Variants in CHST9 observed in about 807,000 individuals in gnomAD.
CHST9 encodes the protein carbohydrate sulfotransferase 9.
CHST9 carries 41 observed loss-of-function variants against 44.4 expected under a neutral mutation model. The ratio of observed to expected loss-of-function variants is 0.92; its 90% CI spans 0.72 to 1.20. CHST9 has a LOEUF of 1.20. Ranked by LOEUF, CHST9 falls within the 50% of genes most tolerant of loss-of-function variation. The probability of loss-of-function intolerance (pLI) is 0.00; values close to 1 mark genes in which losing one functional copy is unlikely to be tolerated. For missense variants in CHST9, 504 were observed against 516.5 expected, an observed-to-expected ratio of 0.98 and a Z score of 0.23; for synonymous variants, 171 against 178.4, an observed-to-expected ratio of 0.96 and a Z score of 0.33.
intron 2 of CHST9, among the ~76,000 whole-genome samples, 188 bp downstream of exon 2, chr18:27,142,501 C>T (rs1212244559): frequency 2.0e-5 from 3 of 152,078 alleles, no homozygotes; most frequent in East Asian, 1.9e-4. Flanking sequence ...GTTAAGCCAC[C>T]AAACAAATGC....
chr18:27,151,428 T>C (rs1005081434), intron 1 of CHST9, among the ~76,000 whole-genome samples: 24 of 151,978 alleles, frequency 1.6e-4, no homozygotes, highest in Non-Finnish European at 2.4e-4. Flanking sequence ...TTGACAATGG[T>C]GTATGTGGCA....
Position 26,907,790 on chromosome 18 carries a change from G to A in CHST9, c.*8469C>T, listed in dbSNP as rs1262173178. ...GAATGGGTTATAGTCTTGAGAGATT[G>A]AGGCCAGGCAATGAGAATGGAATAC... is the stretch of plus-strand genomic sequence containing the variant. On this transcript the variant is annotated 3_prime_UTR_variant, in exon 6 of 6. Coordinates refer to ENST00000618847, the MANE Select transcript of CHST9 (RefSeq NM_031422.6). The A allele has an allele frequency of 6.3e-6, 1 of 157,986 alleles. No individual in the cohort carries two copies. Among genetic ancestry groups the A allele is most frequent in the Admixed American group, 6.2e-5 (1 of 16,090 alleles). 9.8% of individuals were successfully genotyped at this position (157,986 alleles called of 1,614,324 possible).
chr18:26,969,677 T>C (rs2056516698), intron 4 of CHST9, among the ~76,000 whole-genome samples: 1 of 152,150 alleles, frequency 6.6e-6, no homozygotes, highest in Non-Finnish European at 1.5e-5. Context: ...TACGGTCTTA[T>C]TGTGCCATGA....
chr18:27,032,666 G>C (rs1349448010), intron 3 of CHST9, among the ~76,000 whole-genome samples: 1 of 152,182 alleles, frequency 6.6e-6, no homozygotes, highest in Non-Finnish European at 1.5e-5. Context: ...ATTACCAAAA[G>C]CAACAAAAAA....
intron 2 of CHST9, among the ~76,000 whole-genome samples, chr18:27,138,059 C>A (rs1426154478): frequency 6.6e-6 from 1 of 152,172 alleles, no homozygotes; most frequent in Non-Finnish European, 1.5e-5. Flanking sequence ...AATTCTATCC[C>A]TGACAACTGA....
intron 4 of CHST9, among the ~76,000 whole-genome samples, chr18:26,993,767 T>A (rs952403796): frequency 2.6e-5 from 4 of 152,228 alleles, no homozygotes; most frequent in African/African-American, 9.6e-5. Context: ...TTGGAAACTG[T>A]GAACTGAGAT....
chr18:27,002,560 CG>C (rs2056966642), intron 4 of CHST9, among the ~76,000 whole-genome samples: 1 of 152,104 alleles, frequency 6.6e-6, no homozygotes, highest in Non-Finnish European at 1.5e-5. Flanking sequence ...ATATTCAACA[CG>C]TAATTGTGAA....
intron 4 of CHST9, among the ~76,000 whole-genome samples, chr18:26,976,796 C>T (rs564840274): frequency 2.0e-5 from 3 of 152,150 alleles, no homozygotes; most frequent in South Asian, 2.1e-4. Context: ...CTGCTTTGCT[C>T]CTGAGAAGGC....
intron 2 of CHST9, among the ~76,000 whole-genome samples, chr18:27,081,043 G>C (rs1006094646): frequency 3.3e-5 from 5 of 152,152 alleles, no homozygotes; most frequent in Admixed American, 1.3e-4. Flanking sequence ...TAGACAAAAA[G>C]AGAAAAAGAG....
At chr18:27,057,915 G>T (rs1450961947) in intron 2 of CHST9, among the ~76,000 whole-genome samples, 4 of 152,214 alleles carry the variant, frequency 2.6e-5, no homozygotes, top group African/African-American at 4.8e-5. Flanking sequence ...TTCCCACTGA[G>T]ATCTACCCGA....
rs2055392298 is a variant in CHST9, at chr18:26,908,091, G to A, written c.*8168C>T. Reference sequence around the variant, plus strand: ...ATGTGATGGGATAGTGGTGATGCTTGCACAACTACACTAAATGCTGCTGAA... The same window carrying A: ...ATGTGATGGGATAGTGGTGATGCTTACACAACTACACTAAATGCTGCTGAA... On this transcript the variant is annotated 3_prime_UTR_variant, in exon 6 of 6. Transcript: ENST00000618847. 6.6e-6 allele frequency: 1 copy of A among 152,582 alleles called. No individual in the cohort carries two copies. Among genetic ancestry groups the A allele is most frequent in the Non-Finnish European group, 1.5e-5 (1 of 68,306 alleles). The allele number at this position is 152,582 out of a possible 1,614,324, so 9.5% of individuals were successfully genotyped here.
intron 4 of CHST9, among the ~76,000 whole-genome samples, chr18:26,991,531 T>G (rs1351453197): frequency 6.6e-6 from 1 of 152,054 alleles, no homozygotes; most frequent in Non-Finnish European, 1.5e-5. Context: ...TGGATATGAA[T>G]TTGATGATTA....
intron 3 of CHST9, among the ~76,000 whole-genome samples, chr18:27,024,674 A>G (rs1425168211): frequency 1.3e-5 from 2 of 152,242 alleles, no homozygotes; most frequent in Non-Finnish European, 2.9e-5. Flanking sequence ...TGGATGCCTT[A>G]GTTTGGGAAG....
At chr18:27,010,662 T>C (rs1021847370) in intron 4 of CHST9, among the ~76,000 whole-genome samples, 22 of 152,232 alleles carry the variant, frequency 1.4e-4, no homozygotes, top group African/African-American at 5.3e-4. Context: ...ATCTGAGGAT[T>C]GAACGAGAGA....
At chr18:27,174,661 G>A (rs888624736) in intron 1 of CHST9, among the ~76,000 whole-genome samples, 1 of 151,844 alleles carries the variant, frequency 6.6e-6, no homozygotes, top group Admixed American at 6.6e-5. Context: ...GCAAAAATGT[G>A]GCTCTACTAT....
chr18:27,065,633 T>C (rs1027547378), intron 2 of CHST9, among the ~76,000 whole-genome samples: 8 of 132,124 alleles, frequency 6.1e-5, no homozygotes, highest in African/African-American at 2.2e-4. Context: ...ACCCTGAAAA[T>C]AGTAAGGGAG....
At chr18:26,925,021 T>A (rs775720676) in intron 5 of CHST9, among the ~76,000 whole-genome samples, 14 of 151,748 alleles carry the variant, frequency 9.2e-5, no homozygotes, top group Non-Finnish European at 1.8e-4. Context: ...TGGTCCCTGA[T>A]CTTACGGAGC....
chr18:27,159,308 G>T (rs964744349), intron 1 of CHST9, among the ~76,000 whole-genome samples: 1 of 152,192 alleles, frequency 6.6e-6, no homozygotes, highest in African/African-American at 2.4e-5. Context: ...AAGGGATCCA[G>T]TTTCAGCTTT....
At chr18:27,039,481 C>T (rs1598661721) in intron 3 of CHST9, among the ~76,000 whole-genome samples, 2 of 152,006 alleles carry the variant, frequency 1.3e-5, no homozygotes, top group African/African-American at 4.8e-5. Context: ...ACAGTGAAAT[C>T]GTGCTTGCCA....
Sources: allele counts gnomAD v4.1 joint callset (sites outside exome capture counted in the v4.1 genomes callset), GRCh38; gene constraint gnomAD v4.1.1; transcripts MANE v1.5; gene names NCBI Gene and HGNC (gene_info 2026-07-23, HGNC 2026-07-21).